The following EYS variants were observed in gnomAD, a reference collection of about 807,000 sequenced individuals.
EYS encodes EGF-like photoreceptor maintenance factor, also known as protein eyes shut homolog.
A neutral mutation model predicts 282.1 loss-of-function variants in EYS; 250 were observed. The observed-to-expected ratio is 0.89, with a 90% CI of 0.80 to 0.98. The LOEUF is 0.98. Ranked by LOEUF, EYS falls within the 50% of genes least tolerant of loss-of-function variation. The pLI is 0.00. For synonymous variants in EYS, 1,355 were observed against 1,282.9 expected (o/e 1.06, Z -1.20); for missense variants, 4,016 against 3,709.0 (o/e 1.08, Z -2.15).
rs201605228 is a variant in EYS at position 64,369,520 on chromosome 6, A to G, written c.6078+19170T>C. 1.4e-4 allele frequency among the ~76,000 whole-genome samples: 22 copies of G among 152,250 alleles called. No homozygotes were observed. In the East Asian group the frequency reaches 2.3e-3, roughly 16 times the overall value. On this transcript the variant is annotated intron_variant, in intron 29 of 42. Coordinates refer to ENST00000503581, the MANE Select transcript of EYS (RefSeq NM_001142800.2). ...TAGGCAGTATGACCACTTTCACAATATTGGTTCTTCCCGTCTATGAGCATG... is the reference window on the plus strand; with the variant it reads ...TAGGCAGTATGACCACTTTCACAATGTTGGTTCTTCCCGTCTATGAGCATG...
At chr6:65,284,142 G>A (rs1768295968) in intron 12 of EYS, among the ~76,000 whole-genome samples, 1 of 152,074 alleles carries the variant, frequency 6.6e-6, no homozygotes, top group African/African-American at 2.4e-5. Flanking sequence ...GTTAGCCTCT[G>A]TTCTGTTGCT....
chr6:64,822,696 TCA>T lies in EYS; in HGVS notation c.3117_3118del (p.Cys1039Ter). On this transcript the variant is annotated stop_gained and frameshift_variant, in exon 20 of 43. Coordinates refer to ENST00000503581, the MANE Select transcript of EYS (RefSeq NM_001142800.2). LOFTEE classifies it high-confidence loss of function. Reference sequence around the variant, plus strand: ...TGAAAGGCAATCATTGGCGTTTGTTTCACAGTGTGTTCCAAAAAACCCACTCT... The same window carrying T: ...TGAAAGGCAATCATTGGCGTTTGTTTCAGTGTGTTCCAAAAAACCCACTCT... 2 of 1,548,292 alleles carry T rather than the reference TCA, an allele frequency of 1.3e-6. No homozygotes were observed. The highest frequency in any genetic ancestry group is 1.7e-6 in the Non-Finnish European group (2 of 1,145,612).
At chr6:64,396,289 G>C (rs1773373333) in intron 28 of EYS, among the ~76,000 whole-genome samples, 3 of 152,080 alleles carry the variant, frequency 2.0e-5, no homozygotes, top group Admixed American at 2.0e-4. Context: ...TGTATTGTTT[G>C]ATGTACAGAA....
At chr6:63,895,245 CAT>C (rs1773507328) in intron 35 of EYS, among the ~76,000 whole-genome samples, 1 of 28,824 alleles carries the variant, frequency 3.5e-5, no homozygotes, top group Admixed American at 6.0e-4. Context: ...TCAATGATTT[CAT>C]TTTTTTTTCA....
intron 28 of EYS, among the ~76,000 whole-genome samples, chr6:64,397,534 A>AT (rs1268215817): frequency 6.6e-6 from 1 of 151,868 alleles, no homozygotes; most frequent in East Asian, 1.9e-4. Flanking sequence ...TTTTTATAGG[A>AT]TTTTTTAATC....
At chr6:63,986,684 C>T (rs1185553032) in intron 34 of EYS, among the ~76,000 whole-genome samples, 4 of 151,676 alleles carry the variant, frequency 2.6e-5, no homozygotes, top group African/African-American at 7.2e-5. Context: ...GATCGGAAAA[C>T]CAAATGCAGC....
chr6:65,204,246 A>G (rs1260174471), intron 12 of EYS, among the ~76,000 whole-genome samples: 1 of 152,106 alleles, frequency 6.6e-6, no homozygotes, highest in African/African-American at 2.4e-5. Context: ...TACATTACCA[A>G]GGCATACAGT....
intron 5 of EYS, among the ~76,000 whole-genome samples, chr6:65,445,927 A>T (rs553577117): frequency 6.6e-6 from 1 of 151,824 alleles, no homozygotes; most frequent in African/African-American, 2.4e-5. Context: ...TTAGCTTATA[A>T]TATCAATAAG....
chr6:64,022,979 T>C (rs1219281530), intron 33 of EYS, among the ~76,000 whole-genome samples: 2 of 152,238 alleles, frequency 1.3e-5, no homozygotes, highest in African/African-American at 4.8e-5. Flanking sequence ...TTTACTCGAC[T>C]TCAACAAACC....
At chr6:65,239,555 C>T (rs970994163) in intron 12 of EYS, among the ~76,000 whole-genome samples, 2 of 151,684 alleles carry the variant, frequency 1.3e-5, no homozygotes, top group Non-Finnish European at 2.9e-5. Context: ...ATATTTTTTT[C>T]ACCTACTATT....
chr6:65,659,865 A>T (rs1767945808), intron 1 of EYS, among the ~76,000 whole-genome samples: 1 of 151,736 alleles, frequency 6.6e-6, no homozygotes, highest in African/African-American at 2.4e-5. Flanking sequence ...AATAATTCAC[A>T]CAAGGTTATG....
At chr6:65,534,337 T>C (rs1049825581) in intron 2 of EYS, among the ~76,000 whole-genome samples, 1 of 152,148 alleles carries the variant, frequency 6.6e-6, no homozygotes, top group Non-Finnish European at 1.5e-5. Context: ...CAGTTTTATA[T>C]GAAGTTTACT....
At chr6:65,346,423 A>AC (rs1770397042) in intron 9 of EYS, among the ~76,000 whole-genome samples, 2 of 151,226 alleles carry the variant, frequency 1.3e-5, no homozygotes, top group African/African-American at 4.9e-5. Context: ...AAAACAAAAA[A>AC]CAATGTCCGA....
chr6:64,671,631 T>C (rs1769465697), intron 22 of EYS, among the ~76,000 whole-genome samples: 1 of 152,144 alleles, frequency 6.6e-6, no homozygotes, highest in African/African-American at 2.4e-5. Context: ...TCTAAACTGA[T>C]GATACAATTT....
At chr6:64,979,759 T>C (rs944969723) in intron 14 of EYS, among the ~76,000 whole-genome samples, 1 of 151,604 alleles carries the variant, frequency 6.6e-6, no homozygotes, top group African/African-American at 2.4e-5. Flanking sequence ...CTGTTAGTTA[T>C]GCAAGAGAAG....
chr6:65,266,886 GCA>G (rs1767767471), intron 12 of EYS, among the ~76,000 whole-genome samples: 1 of 111,592 alleles, frequency 9.0e-6, no homozygotes, highest in Admixed American at 8.5e-5. Flanking sequence ...TAATGTGTGT[GCA>G]TATATATATA....
intron 22 of EYS, among the ~76,000 whole-genome samples, chr6:64,800,465 A>C (rs1255372070): frequency 6.6e-6 from 1 of 152,074 alleles, no homozygotes; most frequent in Non-Finnish European, 1.5e-5. Context: ...AAGAGCCAAA[A>C]GAAAACATAT....
At chr6:65,625,760 A>T (rs1314446128) in intron 2 of EYS, among the ~76,000 whole-genome samples, 1 of 152,208 alleles carries the variant, frequency 6.6e-6, no homozygotes, top group Admixed American at 6.5e-5. Context: ...TATATTTGAA[A>T]TTACAGTGAC....
At chr6:64,429,834 G>C (rs570646153) in intron 28 of EYS, among the ~76,000 whole-genome samples, 78 of 152,194 alleles carry the variant, frequency 5.1e-4, no homozygotes, top group African/African-American at 1.8e-3. Context: ...TTCCTTGGAT[G>C]AATAATTATC....
Sources: allele counts gnomAD v4.1 joint callset (sites outside exome capture counted in the v4.1 genomes callset), GRCh38; gene constraint gnomAD v4.1.1; transcripts MANE v1.5; gene names NCBI Gene and HGNC (gene_info 2026-07-23, HGNC 2026-07-21).